The following UBR2 variants were observed in gnomAD, a reference collection of about 807,000 sequenced individuals.
The protein encoded by UBR2 is E3 ubiquitin-protein ligase UBR2.
Under a neutral mutation model 247.9 loss-of-function variants are expected in UBR2, and 92 were observed. The ratio of observed to expected loss-of-function variants is 0.37; its 90% CI spans 0.31 to 0.44. UBR2 has a LOEUF of 0.44. Ranked by LOEUF, UBR2 falls within the 20% of genes least tolerant of loss-of-function variation. The pLI, the probability that UBR2 is intolerant of heterozygous loss-of-function variation, is 1.00. For synonymous variants in UBR2, 672 were observed against 693.5 expected, an observed-to-expected ratio of 0.97 and a Z score of 0.49; for missense variants, 1,613 against 2,112.6, an observed-to-expected ratio of 0.76 and a Z score of 4.64.
Position 42,614,261 on chromosome 6 carries a change from TACAC to T in UBR2, c.986-803_986-800del, listed in dbSNP as rs1160089919. On this transcript the variant is annotated intron_variant, in intron 8 of 46. Transcript: ENST00000372901. The stretch of plus-strand genomic sequence containing the variant: ...ACACACACACGCGCGCACATATATA[TACAC>T]ACACACGTACATATATATGTATGCA... Among the ~76,000 whole-genome samples, 6 of 137,432 alleles carry T rather than the reference TACAC, an allele frequency of 4.4e-5. No homozygotes were observed. In the East Asian group the frequency reaches 6.6e-4, roughly 15 times the overall value. 90.2% of individuals were successfully genotyped at this position (137,432 alleles called of 152,430 possible).
intron 8 of UBR2, among the ~76,000 whole-genome samples, chr6:42,613,676 TAC>T (rs1794235334): frequency 6.6e-6 from 1 of 152,180 alleles, no homozygotes; most frequent in African/African-American, 2.4e-5. Context: ...GCTACAGTAT[TAC>T]TGAAGAGTAT....
chr6:42,652,811 A>G (rs1460436240), intron 25 of UBR2, among the ~76,000 whole-genome samples, 166 bp downstream of exon 25: 1 of 152,206 alleles, frequency 6.6e-6, no homozygotes, highest in African/African-American at 2.4e-5. Flanking sequence ...CAAGTGCCAG[A>G]CAGATTTTTT....
chr6:42,688,853 T>A (rs1799595298), intron 45 of UBR2, among the ~76,000 whole-genome samples: 2 of 152,168 alleles, frequency 1.3e-5, no homozygotes, highest in South Asian at 4.1e-4. Context: ...GGATGGAGCT[T>A]GTTTTGTATG....
intron 4 of UBR2, among the ~76,000 whole-genome samples, chr6:42,602,406 G>A (rs1793439351): frequency 6.6e-6 from 1 of 151,558 alleles, no homozygotes; most frequent in Admixed American, 6.6e-5. Flanking sequence ...GTTTCACTGT[G>A]TCAGCCAGGA....
At chr6:42,656,850 C>T (rs1562366532) in intron 26 of UBR2, among the ~76,000 whole-genome samples, 2 of 152,112 alleles carry the variant, frequency 1.3e-5, no homozygotes, top group Non-Finnish European at 2.9e-5. Context: ...TGGATTAATA[C>T]TGTTGTTTTT....
chr6:42,688,529 C>T, intron 45 of UBR2, 143 bp downstream of exon 45: 1 of 938,804 alleles, frequency 1.1e-6, no homozygotes. Context: ...CTCCTTGTCG[C>T]CTCACATCTC....
chr6:42,615,251 T>A, intron 9 of UBR2, 73 bp downstream of exon 9: 1 of 1,164,726 alleles, frequency 8.6e-7, no homozygotes, highest in South Asian at 1.6e-5. Flanking sequence ...GTTTTTATCA[T>A]TTGGGAAGAT....
At chr6:42,571,272 C>G (rs1337761201) in intron 1 of UBR2, among the ~76,000 whole-genome samples, 1 of 147,910 alleles carries the variant, frequency 6.8e-6, no homozygotes, top group East Asian at 2.0e-4. Context: ...AAAAAGCATC[C>G]CTTCTAAAGT....
At chr6:42,565,084 A>G (rs1024275692) in intron 1 of UBR2, among the ~76,000 whole-genome samples, 2 of 152,236 alleles carry the variant, frequency 1.3e-5, no homozygotes, top group Non-Finnish European at 2.9e-5. Context: ...AATGTTATAT[A>G]ACGTTGATAG....
chr6:42,616,525 G>A (rs893744893), intron 10 of UBR2, among the ~76,000 whole-genome samples: 1 of 151,408 alleles, frequency 6.6e-6, no homozygotes, highest in African/African-American at 2.4e-5. Context: ...GGGGGGGCAT[G>A]ATCCAAATTA....
At chr6:42,577,300 A>G (rs1313606929) in intron 2 of UBR2, among the ~76,000 whole-genome samples, 1 of 152,196 alleles carries the variant, frequency 6.6e-6, no homozygotes, top group Non-Finnish European at 1.5e-5. Flanking sequence ...AGGATCTTTT[A>G]TATATAGTAC....
chr6:42,609,730 A>T (rs1204087089), intron 7 of UBR2, among the ~76,000 whole-genome samples: 1 of 151,860 alleles, frequency 6.6e-6, no homozygotes, highest in Non-Finnish European at 1.5e-5. Context: ...ACAAAAAAAA[A>T]AAATAATAAC....
chr6:42,610,948 C>T (rs1235040015), intron 7 of UBR2, among the ~76,000 whole-genome samples: 1 of 150,730 alleles, frequency 6.6e-6, no homozygotes, highest in African/African-American at 2.4e-5. Context: ...CAGGTTGAAG[C>T]GATTCTCCTG....
intron 25 of UBR2, among the ~76,000 whole-genome samples, chr6:42,653,430 C>CT (rs1448762179): frequency 1.3e-5 from 2 of 152,054 alleles, no homozygotes; most frequent in East Asian, 3.9e-4. Context: ...CGTTCGTACA[C>CT]TATCTCATTG....
chr6:42,635,698 T>C (rs188220921), intron 14 of UBR2, 152 bp downstream of exon 14: 107 of 879,074 alleles, frequency 1.2e-4, no homozygotes, highest in Non-Finnish European at 1.5e-4. Context: ...ATAAACTCAG[T>C]AAAATTTTAA....
At chr6:42,677,921 G>A (rs1798804447) in intron 40 of UBR2, among the ~76,000 whole-genome samples, 1 of 152,334 alleles carries the variant, frequency 6.6e-6, no homozygotes. Flanking sequence ...GGAGCTGGGT[G>A]CAGTGGCATG....
chr6:42,656,876 G>A (rs903335929), intron 26 of UBR2, among the ~76,000 whole-genome samples: 33 of 151,646 alleles, frequency 2.2e-4, no homozygotes, highest in African/African-American at 7.8e-4. Context: ...CTTTGTTTCT[G>A]GTGTGTTTAT....
In UBR2 at chr6:42,644,198, T is replaced by TAAAA; in HGVS notation, c.2098-5_2098-2dup. The TAAAA allele has an allele frequency of 2.1e-6, 3 of 1,410,820 alleles. No homozygotes were observed. The highest frequency in any genetic ancestry group is 2.4e-5 in the East Asian group (1 of 41,342). 87.4% of individuals were successfully genotyped at this position (1,410,820 alleles called of 1,614,324 possible). Reference sequence around the variant, plus strand: ...TCCTCTTTTCCTTTATCTCAAACATTAAAAAAAAAAAAAAGACAGGTGTCT... The same window carrying TAAAA: ...TCCTCTTTTCCTTTATCTCAAACATTAAAAAAAAAAAAAAAAAAGACAGGTGTCT... On this transcript the variant is annotated splice_polypyrimidine_tract_variant and intron_variant, in intron 18 of 46. Transcript: ENST00000372901.
intron 11 of UBR2, among the ~76,000 whole-genome samples, chr6:42,630,437 C>T (rs1582589044): frequency 6.6e-6 from 1 of 151,948 alleles, no homozygotes; most frequent in African/African-American, 2.4e-5. Context: ...CCACCCACCT[C>T]GGCCTCCCTT....
Sources: allele counts gnomAD v4.1 joint callset (sites outside exome capture counted in the v4.1 genomes callset), GRCh38; gene constraint gnomAD v4.1.1; transcripts MANE v1.5; gene names NCBI Gene and HGNC (gene_info 2026-07-23, HGNC 2026-07-21).